Variants in ACSM4 observed in about 807,000 individuals in gnomAD.
ACSM4 encodes acyl-CoA synthetase medium chain family member 4, also known as acyl-coenzyme A synthetase ACSM4, mitochondrial.
Under a neutral mutation model 73.0 loss-of-function variants are expected in ACSM4, and 66 were observed. That is an observed-to-expected ratio of 0.90 (90% CI 0.74 to 1.11). ACSM4 has a LOEUF of 1.11. ACSM4 is among the 50% of genes least tolerant of loss of function. The probability of loss-of-function intolerance (pLI) is 0.00; values close to 1 mark genes in which losing one functional copy is unlikely to be tolerated. For synonymous variants in ACSM4, 222 were observed against 254.0 expected, an observed-to-expected ratio of 0.87 and a Z score of 1.20; for missense variants, 645 against 714.4, an observed-to-expected ratio of 0.90 and a Z score of 1.11.
At chr12:7,313,512 C>A (rs1006588483) in intron 3 of ACSM4, among the ~76,000 whole-genome samples, 2 of 152,174 alleles carry the variant, frequency 1.3e-5, no homozygotes, top group African/African-American at 4.8e-5. Context: ...CATTTTAAGG[C>A]TTCTTGCCCT....
intron 3 of ACSM4, among the ~76,000 whole-genome samples, chr12:7,312,156 C>A (rs984241290): frequency 2.4e-4 from 36 of 152,210 alleles, no homozygotes; most frequent in Non-Finnish European, 4.4e-4. Flanking sequence ...GCAACCCCTG[C>A]CCTAAACCAT....
intron 7 of ACSM4, among the ~76,000 whole-genome samples, chr12:7,322,778 C>T (rs139987476): frequency 4.6e-5 from 7 of 152,252 alleles, no homozygotes; most frequent in African/African-American, 9.6e-5. Flanking sequence ...ATCTCAGAGG[C>T]GTTAGCGGGT....
intron 2 of ACSM4, among the ~76,000 whole-genome samples, chr12:7,308,466 GC>G (rs1370723471): frequency 6.6e-6 from 1 of 152,032 alleles, no homozygotes; most frequent in African/African-American, 2.4e-5. Context: ...ATATCACATA[GC>G]AAAATATTTT....
chr12:7,306,454 G>C lies in ACSM4; in HGVS notation c.202-79G>C. Reference sequence around the variant, plus strand: ...AATGCACCAGAACCAGTGCCAAAGGGGGAAAACAGCAGATGCCGCATGTAA... The same window carrying C: ...AATGCACCAGAACCAGTGCCAAAGGCGGAAAACAGCAGATGCCGCATGTAA... On this transcript the variant is annotated intron_variant, in intron 1 of 12. Transcript: ENST00000399422. 5.1e-6 allele frequency: 7 copies of C among 1,382,184 alleles called. No homozygotes were observed. The Admixed American group carries it at 8.1e-5, about 16-fold the overall frequency. 85.6% of individuals were successfully genotyped at this position (1,382,184 alleles called of 1,614,324 possible).
rs922073801 is a variant in ACSM4 at position 7,319,364 on chromosome 12, G to A, written c.921+1182G>A. Among the ~76,000 whole-genome samples, 7 of 152,226 alleles carry A rather than the reference G, an allele frequency of 4.6e-5. No homozygotes were observed. The East Asian group carries it at 1.4e-3, about 29-fold the overall frequency. On this transcript the variant is annotated intron_variant, in intron 5 of 12. Coordinates refer to ENST00000399422, the MANE Select transcript of ACSM4 (RefSeq NM_001080454.2). ...CCCAGCACTTTGGGAGGCTGAAGCA[G>A]GTGGATCACGAGGTCAGGAGTTCAA...
At chr12:7,327,152 G>C in intron 12 of ACSM4, 57 bp downstream of exon 12, 1 of 1,495,510 alleles carries the variant, frequency 6.7e-7, no homozygotes, top group African/African-American at 1.4e-5. Context: ...GTCTAAGCTA[G>C]AATTAGATTT....
intron 2 of ACSM4, 102 bp downstream of exon 2, chr12:7,306,845 G>GAAAAAA: frequency 3.0e-6 from 1 of 332,942 alleles, no homozygotes; most frequent in Non-Finnish European, 4.1e-6. Flanking sequence ...GCATACAGAA[G>GAAAAAA]ACAAAAAAAA....
chr12:7,317,047 C>G, intron 3 of ACSM4, 90 bp from the exon 4 acceptor site: 1 of 1,431,520 alleles, frequency 7.0e-7, no homozygotes. Flanking sequence ...CTTCTGGTAG[C>G]AAGAGGGCAT....
chr12:7,307,789 A>T (rs1946369888), intron 2 of ACSM4, among the ~76,000 whole-genome samples: 1 of 152,208 alleles, frequency 6.6e-6, no homozygotes, highest in Non-Finnish European at 1.5e-5. Context: ...CAACAGCAGA[A>T]ATCCTCATTG....
chr12:7,326,552 C>T (rs1341927709), intron 11 of ACSM4, among the ~76,000 whole-genome samples: 3 of 152,106 alleles, frequency 2.0e-5, no homozygotes, highest in Non-Finnish European at 2.9e-5. Flanking sequence ...GTCCTTCCTC[C>T]GTTGAGACCC....
intron 6 of ACSM4, among the ~76,000 whole-genome samples, chr12:7,321,102 C>T (rs1946460439): frequency 6.6e-6 from 1 of 152,126 alleles, no homozygotes; most frequent in Non-Finnish European, 1.5e-5. Context: ...AGTCTAAGAA[C>T]CACTGGAATA....
chr12:7,304,639 C>T (rs1946352133), intron 1 of ACSM4, 107 bp downstream of exon 1: 1 of 1,181,614 alleles, frequency 8.5e-7, no homozygotes, highest in Non-Finnish European at 1.2e-6. Flanking sequence ...CTCTCTCACC[C>T]TCTTGGTTTC....
intron 2 of ACSM4, among the ~76,000 whole-genome samples, chr12:7,307,959 G>C (rs1028890043): frequency 6.6e-6 from 1 of 152,150 alleles, no homozygotes; most frequent in African/African-American, 2.4e-5. Context: ...TCACGAAGAT[G>C]TTTGTTGCAA....
Position 7,328,317 on chromosome 12 carries a change from A to G in ACSM4, c.1687A>G (p.Ile563Val). 1 of 1,593,924 alleles carries G rather than the reference A, an allele frequency of 6.3e-7. No individual in the cohort carries two copies. Among genetic ancestry groups the G allele is most frequent in the East Asian group, 2.3e-5 (1 of 44,218 alleles). Residue 563 changes from isoleucine to valine, a missense_variant, in exon 13 of 13, where the codon ATC becomes GTC. Coordinates refer to ENST00000399422, the MANE Select transcript of ACSM4 (RefSeq NM_001080454.2). Reference protein sequence around the residue: ...VEFVQELPKTITGKIKRNVLR... With the variant: ...VEFVQELPKTVTGKIKRNVLR... The stretch of plus-strand genomic sequence containing the variant: ...ATTTGTTCAAGAACTCCCAAAGACA[A>G]TCACTGGGAAAATCAAACGCAACGT...
chr12:7,324,198 C>T (rs979994819), intron 9 of ACSM4, 75 bp from the exon 10 acceptor site: 92 of 1,542,306 alleles, frequency 6.0e-5, no homozygotes, highest in Non-Finnish European at 7.3e-5. Context: ...GTGTAATGTA[C>T]TAGTCACTTA....
chr12:7,308,348 A>G (rs1175547755), intron 2 of ACSM4, among the ~76,000 whole-genome samples: 1 of 152,232 alleles, frequency 6.6e-6, no homozygotes, highest in Non-Finnish European at 1.5e-5. Flanking sequence ...GGACAAGCTG[A>G]AAGGCTAACA....
chr12:7,321,381 T>C (rs1946462569), intron 6 of ACSM4, among the ~76,000 whole-genome samples: 1 of 152,154 alleles, frequency 6.6e-6, no homozygotes, highest in African/African-American at 2.4e-5. Flanking sequence ...ACTCAATACA[T>C]GAGGAGAGAA....
At chr12:7,315,626 TAAATAA>T (rs946736690) in intron 3 of ACSM4, among the ~76,000 whole-genome samples, 3 of 151,904 alleles carry the variant, frequency 2.0e-5, no homozygotes, top group Non-Finnish European at 4.4e-5. Context: ...AATAAAAAAA[TAAATAA>T]AAATAAAAAT....
intron 5 of ACSM4, among the ~76,000 whole-genome samples, 182 bp from the exon 6 acceptor site, chr12:7,320,543 T>C (rs1384043296): frequency 6.6e-6 from 1 of 152,242 alleles, no homozygotes; most frequent in African/African-American, 2.4e-5. Context: ...TTTCAGTAAT[T>C]GGAAATTCCC....
Sources: gnomAD v4.1 joint callset for allele counts (sites outside exome capture counted in the v4.1 genomes callset) on GRCh38, gnomAD v4.1.1 for gene constraint, MANE v1.5 for transcripts, NCBI Gene and HGNC (gene_info 2026-07-23, HGNC 2026-07-21) for gene names.